Variants in METTL2B observed in about 807,000 individuals in gnomAD.
The protein encoded by METTL2B is methyltransferase 2B, tRNA N3-cytidine, also known as tRNA N(3)-cytidine methyltransferase METTL2B.
Under a neutral mutation model 51.0 loss-of-function variants are expected in METTL2B, and 28 were observed. The ratio of observed to expected loss-of-function variants is 0.55; its 90% CI spans 0.41 to 0.75. METTL2B has a LOEUF of 0.75. Among genes scored for constraint, METTL2B ranks in the 30% least tolerant of loss-of-function variants. The pLI is 0.00. For synonymous variants in METTL2B, 128 were observed against 166.3 expected (o/e 0.77, Z 1.77); for missense variants, 313 against 460.7 (o/e 0.68, Z 2.93).
At chr7:128,480,964 T>TC (rs1449583745) in intron 4 of METTL2B, among the ~76,000 whole-genome samples, 1 of 152,240 alleles carries the variant, frequency 6.6e-6, no homozygotes, top group Non-Finnish European at 1.5e-5. Context: ...TATGGATTGT[T>TC]TTAATTTGAT....
chr7:128,504,970 G>T lies in METTL2B; in HGVS notation c.*3054G>T, dbSNP rs1793101265. The T allele has an allele frequency of 6.6e-6, 1 of 152,328 alleles. No homozygotes were observed. The highest frequency in any genetic ancestry group is 1.9e-4 in the East Asian group (1 of 5,140). 9.4% of individuals were successfully genotyped at this position (152,328 alleles called of 1,614,324 possible). ...AAAATAGCCAGGTGTGATGGCGCAT[G>T]CCTGTAACCCCATCTACTTGGAAGG... On this transcript the variant is annotated 3_prime_UTR_variant, in exon 9 of 9. Coordinates refer to ENST00000262432, the MANE Select transcript of METTL2B (RefSeq NM_018396.3).
At position 128,503,746 on chromosome 7, in the gene METTL2B, C is replaced by T. The variant is rs1477082537; in HGVS notation, c.*1830C>T. 1 of 152,136 alleles carries T rather than the reference C, an allele frequency of 6.6e-6. No individual in the cohort carries two copies. Among genetic ancestry groups the T allele is most frequent in the Non-Finnish European group, 1.5e-5 (1 of 68,064 alleles). The allele number at this position is 152,136 out of a possible 1,614,324, so 9.4% of individuals were successfully genotyped here. On this transcript the variant is annotated 3_prime_UTR_variant, in exon 9 of 9. Transcript: ENST00000262432. ...GGCATGGCGGCTCACGCCTATAATCCCAGCACTTTGGGAGGCTGAGGTGGG... is the reference window on the plus strand; with the variant it reads ...GGCATGGCGGCTCACGCCTATAATCTCAGCACTTTGGGAGGCTGAGGTGGG...
intron 5 of METTL2B, among the ~76,000 whole-genome samples, chr7:128,489,481 C>G (rs939716253): frequency 7.3e-5 from 11 of 151,410 alleles, no homozygotes; most frequent in Non-Finnish European, 1.3e-4. Flanking sequence ...ATTGCTAAAA[C>G]ATATTAATAA....
rs145325669 is a variant in METTL2B at position 128,487,710 on chromosome 7, T to A, written c.609-391T>A. 2.2e-3 allele frequency among the ~76,000 whole-genome samples: 342 copies of A among 152,198 alleles called. 3 individuals are homozygous for A. Among genetic ancestry groups the A allele is most frequent in the African/African-American group, 8.0e-3 (331 of 41,526 alleles). ...GTGAAAGCACTCACTCACTATGTGG[T>A]GGGGGCCAACAGACAGGTACAGATG... is the stretch of plus-strand genomic sequence containing the variant. On this transcript the variant is annotated intron_variant, in intron 4 of 8. Transcript: ENST00000262432.
chr7:128,485,552 G>C (rs1792686092), intron 4 of METTL2B, among the ~76,000 whole-genome samples: 1 of 152,150 alleles, frequency 6.6e-6, no homozygotes, highest in African/African-American at 2.4e-5. Flanking sequence ...TGTAGTCCCA[G>C]CTACTCGGGA....
intron 6 of METTL2B, among the ~76,000 whole-genome samples, chr7:128,494,232 TCCTCCCACCTTGG>T (rs1470993784): frequency 6.6e-6 from 1 of 152,132 alleles, no homozygotes; most frequent in African/African-American, 2.4e-5. Context: ...GCTCAAGCAA[TCCTCCCACCTTGG>T]CCTCCCAAAG....
At chr7:128,492,635 G>C (rs1792855139) in intron 5 of METTL2B, among the ~76,000 whole-genome samples, 1 of 151,238 alleles carries the variant, frequency 6.6e-6, no homozygotes, top group African/African-American at 2.4e-5. Flanking sequence ...TTTTGTTTTT[G>C]AGACGGAGTC....
chr7:128,476,825 C>T lies in METTL2B; in HGVS notation c.60C>T (p.Phe20=), dbSNP rs1014879926. The T allele has an allele frequency of 6.2e-7, 1 of 1,613,984 alleles. No homozygotes were observed. The highest frequency in any genetic ancestry group is 1.3e-5 in the African/African-American group (1 of 74,916). The change falls in exon 1 of 9, where the codon TTC becomes TTT. Residue 20 remains phenylalanine (F), a synonymous_variant. Coordinates refer to ENST00000262432, the MANE Select transcript of METTL2B (RefSeq NM_018396.3). ...PAILADKRQQ[F]GSRFLSDPAR... is the part of the protein sequence containing the mutation. ...TCCTCGCCGATAAGAGGCAGCAGTTCGGAAGCCGGTTCCTGAGCGATCCGG... is the reference window on the plus strand; with the variant it reads ...TCCTCGCCGATAAGAGGCAGCAGTTTGGAAGCCGGTTCCTGAGCGATCCGG...
chr7:128,496,364 G>A (rs1179809750), intron 6 of METTL2B, among the ~76,000 whole-genome samples: 2 of 152,140 alleles, frequency 1.3e-5, no homozygotes, highest in African/African-American at 4.8e-5. Flanking sequence ...GGGCAACAAA[G>A]CAAGACCCCT....
At chr7:128,494,446 A>ACT (rs1792888578) in intron 6 of METTL2B, among the ~76,000 whole-genome samples, 3 of 152,160 alleles carry the variant, frequency 2.0e-5, no homozygotes, top group Non-Finnish European at 4.4e-5. Flanking sequence ...CTGGCCTCGA[A>ACT]ACTTCTGCAG....
At chr7:128,477,888 A>C (rs1478502210) in intron 2 of METTL2B, 23 of 430,806 alleles carry the variant, frequency 5.3e-5, no homozygotes, top group Non-Finnish European at 1.0e-4. Flanking sequence ...ACTAGATCAA[A>C]GCAAGTTAAT....
Position 128,482,594 on chromosome 7 carries a change from C to T in METTL2B, c.608+1898C>T, listed in dbSNP as rs575484808. Among the ~76,000 whole-genome samples the T allele has an allele frequency of 2.5e-4, 38 of 152,266 alleles. 1 individual carries two copies. The highest frequency in any genetic ancestry group is 1.5e-3 in the East Asian group (8 of 5,184). Reference sequence around the variant, plus strand: ...TGTTGCCCAGGCTGGAGTGCAGTGGCGTAATCTTGGCTCACTGCAACCTCT... The same window carrying T: ...TGTTGCCCAGGCTGGAGTGCAGTGGTGTAATCTTGGCTCACTGCAACCTCT... On this transcript the variant is annotated intron_variant, in intron 4 of 8. Coordinates refer to ENST00000262432, the MANE Select transcript of METTL2B (RefSeq NM_018396.3).
intron 4 of METTL2B, among the ~76,000 whole-genome samples, chr7:128,486,452 T>C (rs1002389329): frequency 6.6e-6 from 1 of 151,538 alleles, no homozygotes; most frequent in African/African-American, 2.4e-5. Context: ...ATACAAAAAT[T>C]AACAAGGCAT....
At chr7:128,495,768 A>G (rs1237308747) in intron 6 of METTL2B, among the ~76,000 whole-genome samples, 1 of 152,140 alleles carries the variant, frequency 6.6e-6, no homozygotes. Flanking sequence ...TATCTTCTCA[A>G]GGAAGCAGAG....
rs1584795700 is a variant in METTL2B, at chr7:128,494,284, G to A, written c.809+341G>A. On this transcript the variant is annotated intron_variant, in intron 6 of 8. Coordinates refer to ENST00000262432, the MANE Select transcript of METTL2B (RefSeq NM_018396.3). ...TGGGATTATAGGTGTGAGCCACTATGCCCAGCCTGGCAAGAGACCTTGATA... is the reference window on the plus strand; with the variant it reads ...TGGGATTATAGGTGTGAGCCACTATACCCAGCCTGGCAAGAGACCTTGATA... 2.0e-5 allele frequency among the ~76,000 whole-genome samples: 3 copies of A among 152,166 alleles called. No individual in the cohort carries two copies. The South Asian group carries it at 6.2e-4, about 32-fold the overall frequency.
chr7:128,479,012 G>C, intron 2 of METTL2B, 146 bp from the exon 3 acceptor site: 1 of 860,248 alleles, frequency 1.2e-6, no homozygotes, highest in Non-Finnish European at 1.8e-6. Flanking sequence ...AATGACCTCA[G>C]AAATGCCTTC....
At position 128,502,742 on chromosome 7, in the gene METTL2B, T is replaced by C. The variant is rs1339325728; in HGVS notation, c.*826T>C. ...GGTGAAACCCCGTCTCTACTAAAGA[T>C]AAAAAAATTAGCTGGGTGTGTTGGT... On this transcript the variant is annotated 3_prime_UTR_variant, in exon 9 of 9. Transcript: ENST00000262432. The C allele has an allele frequency of 3.7e-5, 13 of 350,276 alleles. No individual in the cohort carries two copies. Among genetic ancestry groups the C allele is most frequent in the Non-Finnish European group, 6.6e-5 (12 of 181,178 alleles). 21.7% of individuals were successfully genotyped at this position (350,276 alleles called of 1,614,324 possible).
intron 5 of METTL2B, among the ~76,000 whole-genome samples, chr7:128,491,320 G>A (rs909210165): frequency 3.3e-5 from 5 of 151,774 alleles, no homozygotes. Context: ...ACTAGGCCGG[G>A]TGCAGTGGTT....
chr7:128,486,522 C>T (rs1792722188), intron 4 of METTL2B, among the ~76,000 whole-genome samples: 2 of 151,488 alleles, frequency 1.3e-5, no homozygotes, highest in South Asian at 4.2e-4. Context: ...ATCACTTCAA[C>T]CTGGGAGGCA....
Sources: gnomAD v4.1 joint callset for allele counts (sites outside exome capture counted in the v4.1 genomes callset) on GRCh38, gnomAD v4.1.1 for gene constraint, MANE v1.5 for transcripts, NCBI Gene and HGNC (gene_info 2026-07-23, HGNC 2026-07-21) for gene names.